Variants in CRHBP observed in about 807,000 individuals in gnomAD.
The protein encoded by CRHBP is corticotropin releasing hormone binding protein.
CRHBP carries 19 observed loss-of-function variants against 34.9 expected under a neutral mutation model. The observed-to-expected ratio is 0.55, with a 90% CI of 0.38 to 0.80. CRHBP has a LOEUF of 0.80. Among genes scored for constraint, CRHBP ranks in the 30% least tolerant of loss-of-function variants. The pLI, the probability that CRHBP is intolerant of heterozygous loss-of-function variation, is 0.00. For missense variants in CRHBP, 328 were observed against 409.2 expected (o/e 0.80, Z 1.71); for synonymous variants, 154 against 153.4 (o/e 1.00, Z -0.03).
At chr5:76,978,258 T>C (rs758453007) in intron 3 of CRHBP, among the ~76,000 whole-genome samples, 7 of 152,198 alleles carry the variant, frequency 4.6e-5, no homozygotes, top group Non-Finnish European at 7.3e-5. Flanking sequence ...AAAAGCCTTC[T>C]ATTGGAAGGA....
chr5:76,980,081 C>G (rs1295685764), intron 3 of CRHBP, among the ~76,000 whole-genome samples: 1 of 151,208 alleles, frequency 6.6e-6, no homozygotes, highest in Admixed American at 6.6e-5. Flanking sequence ...GAAACCCCGT[C>G]TCTACTAAAA....
intron 5 of CRHBP, among the ~76,000 whole-genome samples, chr5:76,959,985 T>C (rs1745751112): frequency 6.6e-6 from 1 of 152,224 alleles, no homozygotes; most frequent in Non-Finnish European, 1.5e-5. Flanking sequence ...AAAATATTTT[T>C]TGAATGCTTA....
downstream of CRHBP, among the ~76,000 whole-genome samples, chr5:76,971,901 A>G (rs747458938): frequency 6.6e-6 from 1 of 152,160 alleles, no homozygotes; most frequent in Non-Finnish European, 1.5e-5. Flanking sequence ...GGTCTTTCTG[A>G]ATACCAATTA....
At chr5:76,980,180 G>T (rs565893673) in intron 3 of CRHBP, among the ~76,000 whole-genome samples, 35 of 148,926 alleles carry the variant, frequency 2.4e-4, no homozygotes, top group African/African-American at 7.2e-4. Flanking sequence ...GCGTGAACCC[G>T]GGAGGCGGAG....
intron 3 of CRHBP, among the ~76,000 whole-genome samples, chr5:76,978,804 T>C (rs1349554236): frequency 6.6e-6 from 1 of 152,218 alleles, no homozygotes; most frequent in Non-Finnish European, 1.5e-5. Context: ...AAATTTAGAA[T>C]GGTACATAAA....
intron 6 of CRHBP, among the ~76,000 whole-genome samples, chr5:76,968,237 G>A (rs1395503213): frequency 1.4e-5 from 2 of 140,688 alleles, no homozygotes; most frequent in African/African-American, 2.7e-5. Flanking sequence ...TAAATGTCCC[G>A]CAGTACATTC....
chr5:76,963,571 A>AT (rs1226920994), intron 6 of CRHBP, 111 bp downstream of exon 6: 1 of 857,858 alleles, frequency 1.2e-6, no homozygotes, highest in Non-Finnish European at 1.9e-6. Context: ...AAAGCCTTCA[A>AT]TTTTTCACAC....
At chr5:76,970,292 A>G (rs1745926953), downstream of CRHBP, among the ~76,000 whole-genome samples, 1 of 152,116 alleles carries the variant, frequency 6.6e-6, no homozygotes, top group Admixed American at 6.6e-5. Flanking sequence ...AGTAGATGAA[A>G]GCTTCAAACT....
intron 3 of CRHBP, among the ~76,000 whole-genome samples, chr5:76,979,591 C>T (rs144428626): frequency 3.3e-5 from 5 of 151,396 alleles, no homozygotes; most frequent in Non-Finnish European, 4.4e-5. Context: ...CCTCATGATC[C>T]GCCTGTCTCA....
At chr5:76,973,978 AATCGTT>A (rs1280283681), downstream of CRHBP, among the ~76,000 whole-genome samples, 14 of 121,662 alleles carry the variant, frequency 1.2e-4, no homozygotes, top group African/African-American at 4.7e-4. Flanking sequence ...TAATTTTCTA[AATCGTT>A]ATTATTATTA....
chr5:76,980,034 G>A (rs1746093952), intron 3 of CRHBP, among the ~76,000 whole-genome samples: 2 of 151,332 alleles, frequency 1.3e-5, no homozygotes, highest in Admixed American at 6.6e-5. Context: ...GGCGGATCAC[G>A]AGGTCAGGAG....
rs1561264049 is a variant in CRHBP at position 76,954,135 on chromosome 5, C to T, written c.282C>T (p.Thr94=). 2.5e-6 allele frequency: 4 copies of T among 1,613,942 alleles called. No individual in the cohort carries two copies. In the Admixed American group the frequency reaches 5.0e-5, roughly 20 times the overall value. ...TCAGCGAGCCCGAGGAGTTCATTAC[C>T]ATCCACTACGACCAGGTCTCCATCG... ...FFISEPEEFI[T]IHYDQVSIDC... The change falls in exon 3 of 7, where the codon ACC becomes ACT. Residue 94 remains threonine, a synonymous_variant. Coordinates refer to ENST00000274368, the MANE Select transcript of CRHBP (RefSeq NM_001882.4).
chr5:76,963,269 C>T, intron 5 of CRHBP, 74 bp from the exon 6 acceptor site: 3 of 1,200,142 alleles, frequency 2.5e-6, no homozygotes, highest in South Asian at 2.5e-5. Context: ...AATTCATGGA[C>T]CCGCTGTTGG....
At chr5:76,980,048 G>A (rs1403276195) in intron 3 of CRHBP, among the ~76,000 whole-genome samples, 8 of 150,948 alleles carry the variant, frequency 5.3e-5, no homozygotes, top group African/African-American at 1.7e-4. Context: ...TCAGGAGATC[G>A]AGACCATCCT....
chr5:76,954,754 A>G (rs769152575), intron 3 of CRHBP, among the ~76,000 whole-genome samples: 1 of 152,158 alleles, frequency 6.6e-6, no homozygotes, highest in Non-Finnish European at 1.5e-5. Context: ...AGATTGAGAT[A>G]GGTGGGAGGG....
At chr5:76,972,685 A>G (rs2150710895), downstream of CRHBP, among the ~76,000 whole-genome samples, 1 of 152,238 alleles carries the variant, frequency 6.6e-6, no homozygotes, top group South Asian at 2.1e-4. Context: ...ACTGTCTTCG[A>G]GCCTGCCATC....
At chr5:76,968,668 A>T (rs1456458416) in intron 6 of CRHBP, 60 bp from the exon 7 acceptor site, 1 of 1,525,382 alleles carries the variant, frequency 6.6e-7, no homozygotes, top group Non-Finnish European at 8.9e-7. Flanking sequence ...CCGTCATTTA[A>T]ATGATGACTG....
At chr5:76,973,201 A>G (rs1025902239), downstream of CRHBP, among the ~76,000 whole-genome samples, 3 of 152,178 alleles carry the variant, frequency 2.0e-5, no homozygotes, top group African/African-American at 4.8e-5. Context: ...TCTAAATCCA[A>G]TTCTTAGCTA....
At chr5:76,965,115 G>A (rs1484669218) in intron 6 of CRHBP, among the ~76,000 whole-genome samples, 1 of 152,104 alleles carries the variant, frequency 6.6e-6, no homozygotes, top group Non-Finnish European at 1.5e-5. Flanking sequence ...TAAAGTATAT[G>A]GGAGGATGTG....
Sources: allele counts gnomAD v4.1 joint callset (sites outside exome capture counted in the v4.1 genomes callset), GRCh38; gene constraint gnomAD v4.1.1; transcripts MANE v1.5; gene names NCBI Gene and HGNC (gene_info 2026-07-23, HGNC 2026-07-21).